Variants in LSAMP observed in about 807,000 individuals in gnomAD.
LSAMP encodes the protein limbic system associated membrane protein, also known as limbic system-associated membrane protein.
Under a neutral mutation model 38.6 loss-of-function variants are expected in LSAMP, and 7 were observed. That is an observed-to-expected ratio of 0.18 (90% CI 0.10 to 0.34). The LOEUF is 0.34. LSAMP is among the 10% of genes least tolerant of loss of function. The pLI is 1.00. For synonymous variants in LSAMP, 154 were observed against 166.8 expected (o/e 0.92, Z 0.59); for missense variants, 313 against 420.0 (o/e 0.75, Z 2.23).
chr3:116,426,753 T>A (rs576267904), intron 1 of LSAMP, among the ~76,000 whole-genome samples: 47 of 152,208 alleles, frequency 3.1e-4, no homozygotes, highest in Non-Finnish European at 3.4e-4. Flanking sequence ...GGGGCCATCA[T>A]CTTACCATAT....
At chr3:116,435,096 C>T (rs1167871513) in intron 1 of LSAMP, among the ~76,000 whole-genome samples, 1 of 152,116 alleles carries the variant, frequency 6.6e-6, no homozygotes, top group Non-Finnish European at 1.5e-5. Flanking sequence ...CAGAGCTAGA[C>T]CAGGTTTTAT....
chr3:116,435,228 C>G (rs1004479588), intron 1 of LSAMP, among the ~76,000 whole-genome samples: 1 of 152,136 alleles, frequency 6.6e-6, no homozygotes, highest in African/African-American at 2.4e-5. Flanking sequence ...AACTGGGACC[C>G]TCTCTTTTAC....
chr3:115,924,681 T>A (rs923422611), intron 3 of LSAMP, among the ~76,000 whole-genome samples: 19 of 152,138 alleles, frequency 1.2e-4, no homozygotes, highest in Non-Finnish European at 2.6e-4. Context: ...ATTCTTTGAG[T>A]TTTTTAGGAA....
At chr3:116,016,831 A>G (rs1272595391) in intron 3 of LSAMP, among the ~76,000 whole-genome samples, 1 of 152,156 alleles carries the variant, frequency 6.6e-6, no homozygotes, top group Non-Finnish European at 1.5e-5. Flanking sequence ...TTCCCATTTA[A>G]CAATTAAAAA....
chr3:116,230,419 A>G (rs115600451), intron 1 of LSAMP, among the ~76,000 whole-genome samples: 1,776 of 152,252 alleles, frequency 0.012, 34 homozygotes, highest in African/African-American at 0.039. Flanking sequence ...TTATACTTAT[A>G]CCTATCATAC....
At chr3:115,894,573 C>A (rs577442162) in intron 3 of LSAMP, among the ~76,000 whole-genome samples, 2 of 151,992 alleles carry the variant, frequency 1.3e-5, no homozygotes, top group African/African-American at 4.8e-5. Flanking sequence ...TTCAGAAATA[C>A]CATCTTCTGA....
At position 115,810,649 on chromosome 3, in the gene LSAMP, C is replaced by T. The variant is rs552958275; in HGVS notation, c.920-235G>A. ...CTGAAACACTTCTAAATACAAAATG[C>T]TTTTGCCGGGTAAGTCCTTAAACTG... On this transcript the variant is annotated intron_variant, in intron 6 of 6. Transcript: ENST00000490035. Among the ~76,000 whole-genome samples, 427 of 152,324 alleles carry T rather than the reference C, an allele frequency of 2.8e-3. 2 individuals carry two copies. Among genetic ancestry groups the T allele is most frequent in the Non-Finnish European group, 5.4e-3 (365 of 68,024 alleles).
At chr3:116,279,520 C>G (rs2047098764) in intron 1 of LSAMP, among the ~76,000 whole-genome samples, 1 of 152,136 alleles carries the variant, frequency 6.6e-6, no homozygotes, top group Non-Finnish European at 1.5e-5. Context: ...GTGAAAGATT[C>G]TCTACACTGA....
At chr3:115,897,207 A>C (rs368540456) in intron 3 of LSAMP, among the ~76,000 whole-genome samples, 5 of 152,164 alleles carry the variant, frequency 3.3e-5, no homozygotes, top group African/African-American at 1.2e-4. Context: ...GCTATTAATA[A>C]AGCTGATCAT....
chr3:116,270,644 A>G (rs1051039058), intron 1 of LSAMP, among the ~76,000 whole-genome samples: 4 of 152,112 alleles, frequency 2.6e-5, no homozygotes, highest in Admixed American at 2.6e-4. Flanking sequence ...AGCCTGGACA[A>G]CTGTGAACTG....
chr3:116,025,071 G>A (rs1940751513), intron 2 of LSAMP, among the ~76,000 whole-genome samples: 2 of 151,970 alleles, frequency 1.3e-5, no homozygotes, highest in African/African-American at 4.8e-5. Flanking sequence ...ATCAGCAAAT[G>A]TTAAGTTTTT....
At chr3:116,169,021 C>T (rs893387815) in intron 1 of LSAMP, among the ~76,000 whole-genome samples, 1 of 152,080 alleles carries the variant, frequency 6.6e-6, no homozygotes, top group Non-Finnish European at 1.5e-5. Flanking sequence ...GGCAACACAG[C>T]AAGACACGGT....
At chr3:115,876,052 TATA>T (rs908185689) in intron 3 of LSAMP, among the ~76,000 whole-genome samples, 4 of 151,982 alleles carry the variant, frequency 2.6e-5, no homozygotes, top group African/African-American at 9.7e-5. Context: ...TGTTCCCAAC[TATA>T]ATGAGAGCTC....
At chr3:116,212,221 G>A (rs915240904) in intron 1 of LSAMP, among the ~76,000 whole-genome samples, 4 of 152,170 alleles carry the variant, frequency 2.6e-5, no homozygotes, top group African/African-American at 9.7e-5. Context: ...CTTATGATCA[G>A]CCAATTGGAA....
In LSAMP at chr3:116,014,302, A is replaced by G. The variant is rs960194019; in HGVS notation, c.514+5213T>C. Among the ~76,000 whole-genome samples, 3 of 152,190 alleles carry G rather than the reference A, an allele frequency of 2.0e-5. 1 individual carries two copies. The highest frequency in any genetic ancestry group is 6.3e-3 in the Middle Eastern group (2 of 316). On this transcript the variant is annotated intron_variant, in intron 3 of 6. Coordinates refer to ENST00000490035, the MANE Select transcript of LSAMP (RefSeq NM_002338.5). ...CTTGCTCTTCCTTGTGTGTTTACAG[A>G]GTGAACACTGTAAATAATTCTTGCC...
At chr3:115,902,525 C>G (rs1471923899) in intron 3 of LSAMP, among the ~76,000 whole-genome samples, 3 of 151,870 alleles carry the variant, frequency 2.0e-5, no homozygotes, top group African/African-American at 7.3e-5. Context: ...TTCTGCACAG[C>G]AAAAGAAACT....
chr3:116,261,896 A>G (rs769369953), intron 1 of LSAMP, among the ~76,000 whole-genome samples: 1 of 149,294 alleles, frequency 6.7e-6, no homozygotes, highest in Non-Finnish European at 1.5e-5. Context: ...ATATTAATAA[A>G]TTCTGATATA....
At chr3:116,380,329 C>T (rs1261548042) in intron 1 of LSAMP, among the ~76,000 whole-genome samples, 3 of 152,018 alleles carry the variant, frequency 2.0e-5, no homozygotes, top group Non-Finnish European at 4.4e-5. Flanking sequence ...ATGTTTCTCA[C>T]ATTAGCTGGC....
At chr3:116,434,228 G>C (rs2049317620) in intron 1 of LSAMP, among the ~76,000 whole-genome samples, 1 of 152,036 alleles carries the variant, frequency 6.6e-6, no homozygotes. Context: ...ATCAACTTTA[G>C]TCAGCTTGAT....
Sources: allele counts gnomAD v4.1 joint callset (sites outside exome capture counted in the v4.1 genomes callset), GRCh38; gene constraint gnomAD v4.1.1; transcripts MANE v1.5; gene names NCBI Gene and HGNC (gene_info 2026-07-23, HGNC 2026-07-21).